The following DDX54 variants were observed in gnomAD, a reference collection of about 807,000 sequenced individuals.
DDX54 encodes ATP-dependent RNA helicase DDX54.
In DDX54, 67 loss-of-function variants were observed where a neutral mutation model predicts 105.5. That is an observed-to-expected ratio of 0.64 (90% CI 0.52 to 0.78). DDX54 has a LOEUF of 0.78. Ranked by LOEUF, DDX54 falls within the 30% of genes least tolerant of loss-of-function variation. The probability of loss-of-function intolerance (pLI) is 0.00; values close to 1 mark genes in which losing one functional copy is unlikely to be tolerated. For missense variants in DDX54, 1,206 were observed against 1,230.5 expected, an observed-to-expected ratio of 0.98 and a Z score of 0.30; for synonymous variants, 514 against 509.9, an observed-to-expected ratio of 1.01 and a Z score of -0.11.
intron 12 of DDX54, among the ~76,000 whole-genome samples, chr12:113,168,506 CA>C (rs1307827420): frequency 6.6e-6 from 1 of 152,210 alleles, no homozygotes; most frequent in Non-Finnish European, 1.5e-5. Context: ...ACAAATGAGA[CA>C]AGATGTGTCC....
chr12:113,163,189 T>C lies in DDX54; in HGVS notation c.2024A>G (p.Gln675Arg). 1.9e-6 allele frequency: 3 copies of C among 1,612,806 alleles called. No individual in the cohort carries two copies. Among genetic ancestry groups the C allele is most frequent in the Non-Finnish European group, 2.5e-6 (3 of 1,179,984 alleles). ...GGGGATGTAGAATTCCTGGTCCCGC[T>C]GCCGGGCCTCCTCCCTCCGCCTCTT... ...GAKRRREEAR[Q>R]RDQEFYIPYR... Residue 675 changes from glutamine to arginine, a missense_variant, in exon 16 of 20, where the codon CAG becomes CGG. Gln to Arg is a conservative substitution (Grantham distance 43, BLOSUM62 1). This residue lies in a region of DDX54 where 961 missense variants were observed against 1,019.1 expected (regional missense o/e 0.94). Coordinates refer to ENST00000306014, the MANE Select transcript of DDX54 (RefSeq NM_024072.4). This position sits in a 1 kb window ranked among gnomAD's most constrained non-coding sequence, Gnocchi z 5.9.
At chr12:113,172,237 TA>T in intron 11 of DDX54, 115 bp downstream of exon 11, 2 of 1,230,266 alleles carry the variant, frequency 1.6e-6, no homozygotes, top group African/African-American at 1.5e-5. Context: ...GCTCTGTCTC[TA>T]AAACAAGGCC....
At chr12:113,176,184 G>A (rs1952401153) in intron 7 of DDX54, among the ~76,000 whole-genome samples, 1 of 152,228 alleles carries the variant, frequency 6.6e-6, no homozygotes, top group African/African-American at 2.4e-5. Context: ...TCACAGAGCT[G>A]AAGTCGCAGA....
chr12:113,158,072 G>A lies in DDX54; in HGVS notation c.*805C>T, dbSNP rs1347565078. On this transcript the variant is annotated 3_prime_UTR_variant, in exon 20 of 20. Coordinates refer to ENST00000306014, the MANE Select transcript of DDX54 (RefSeq NM_024072.4). The surrounding 1 kb of genome is among the most constrained non-coding windows in gnomAD (Gnocchi z 4.9). ...CACTATGGACTCTGCCAGGTGAGGG[G>A]CCCAGCCTGAGAATCCAGCTGCTGG... 1.0e-5 allele frequency: 2 copies of A among 193,600 alleles called. No homozygotes were observed. The highest frequency in any genetic ancestry group is 2.1e-5 in the Non-Finnish European group (2 of 93,252). The allele number at this position is 193,600 out of a possible 1,614,324, so 12.0% of individuals were successfully genotyped here.
intron 14 of DDX54, among the ~76,000 whole-genome samples, 158 bp downstream of exon 14, chr12:113,165,486 C>T (rs1592999923): frequency 6.6e-6 from 1 of 152,002 alleles, no homozygotes; most frequent in Non-Finnish European, 1.5e-5. Flanking sequence ...ATAAGAAGCT[C>T]AGATGAAAAT....
At chr12:113,180,117 A>G in intron 2 of DDX54, 112 bp from the exon 3 acceptor site, 2 of 1,038,614 alleles carry the variant, frequency 1.9e-6, no homozygotes, top group Middle Eastern at 2.0e-4. Context: ...CAAGGGAAAA[A>G]AAAAAGCAAT....
At chr12:113,172,270 G>A in intron 11 of DDX54, 83 bp downstream of exon 11, 2 of 1,474,338 alleles carry the variant, frequency 1.4e-6, no homozygotes, top group South Asian at 1.2e-5. Flanking sequence ...CATGTGCAGT[G>A]TCAAGAGTTA....
intron 12 of DDX54, among the ~76,000 whole-genome samples, chr12:113,167,742 G>T (rs904343984): frequency 6.6e-6 from 1 of 152,214 alleles, no homozygotes; most frequent in African/African-American, 2.4e-5. Context: ...CTGCACCGGG[G>T]GTGGTTTCTG....
At position 113,169,978 on chromosome 12, in the gene DDX54, C is replaced by T. The variant is rs535409911; in HGVS notation, c.1280-74G>A. 8.9e-6 allele frequency: 14 copies of T among 1,574,668 alleles called. No homozygotes were observed. In the South Asian group the frequency reaches 1.6e-4, roughly 18 times the overall value. ...CCCAGCATGAGTTCCACAGGCCAGA[C>T]CCTGAGCAGGTGAGCCTGGCCAAGC... is the stretch of plus-strand genomic sequence containing the variant. On this transcript the variant is annotated intron_variant, in intron 11 of 19. Transcript: ENST00000306014.
Position 113,185,418 on chromosome 12 carries a change from G to T in DDX54, c.34C>A (p.Arg12=). The change falls in exon 1 of 20, where the codon CGG becomes AGG. Residue 12 remains arginine (R), a synonymous_variant. Coordinates refer to ENST00000306014, the MANE Select transcript of DDX54 (RefSeq NM_024072.4). ...CACTGGGCCATGGCAGCTCGCGACC[G>T]AGGTCCAGCCGCCGGGCCCTTGTCG... The part of the protein sequence containing the change: ...AADKGPAAGP[R]SRAAMAQWRK... The T allele has an allele frequency of 6.5e-7, 1 of 1,529,692 alleles. No homozygotes were observed. The highest frequency in any genetic ancestry group is 8.8e-7 in the Non-Finnish European group (1 of 1,141,192). 94.8% of individuals were successfully genotyped at this position (1,529,692 alleles called of 1,614,324 possible). A position where few individuals can be genotyped will look rare whatever the true frequency, so the allele number is the denominator to read the frequency against.
At chr12:113,185,249 G>T in intron 1 of DDX54, 29 bp downstream of exon 1, 1 of 1,480,568 alleles carries the variant, frequency 6.8e-7, no homozygotes, top group Non-Finnish European at 8.9e-7. Flanking sequence ...TCTCGGGCCC[G>T]AACATGCGTC....
intron 5 of DDX54, 59 bp downstream of exon 5, chr12:113,178,918 G>A (rs371540703): frequency 4.1e-5 from 65 of 1,594,814 alleles, no homozygotes; most frequent in Non-Finnish European, 5.6e-5. Flanking sequence ...CTAATGTCCT[G>A]GAGACACAGA....
chr12:113,169,803 G>C lies in DDX54; in HGVS notation c.1381C>G (p.Leu461Val), dbSNP rs754799242. The C allele has an allele frequency of 3.0e-5, 49 of 1,614,000 alleles. No homozygotes were observed. The highest frequency in any genetic ancestry group is 1.6e-4 in the East Asian group (7 of 44,894). The change falls in exon 12 of 20, where the codon CTC (leucine) becomes GTC (valine). Residue 461 changes from leucine (L) to valine (V), a missense_variant. This residue lies in a region of DDX54 where 961 missense variants were observed against 1,019.1 expected (regional missense o/e 0.94). Transcript: ENST00000306014. Reference protein sequence around the residue: ...LDLHLFLGRSLTLARPLKEPS... With the variant: ...LDLHLFLGRSVTLARPLKEPS... ...TCCTTGAGGGGTCGGGCGAGGGTGA[G>C]GGAGCGGCCCAGGAACAGGTGCAGA...
chr12:113,173,176 C>CA (rs1593004543), intron 10 of DDX54, among the ~76,000 whole-genome samples: 2 of 151,818 alleles, frequency 1.3e-5, no homozygotes, highest in Non-Finnish European at 2.9e-5. Flanking sequence ...ACCATCTCTA[C>CA]AAAAAAAATT....
Position 113,163,315 on chromosome 12 carries a change from C to A in DDX54, c.1939-41G>T. On this transcript the variant is annotated intron_variant, in intron 15 of 19. Transcript: ENST00000306014. This position sits in a 1 kb window ranked among gnomAD's most constrained non-coding sequence, Gnocchi z 5.9. ...CCAAGGCCCAGTGTCATGCCTGCTG[C>A]CCCCTGGGGACTTCCCCCTGCCTCC... The A allele has an allele frequency of 6.3e-7, 1 of 1,576,482 alleles. No homozygotes were observed. Among genetic ancestry groups the A allele is most frequent in the Non-Finnish European group, 8.6e-7 (1 of 1,161,424 alleles).
Position 113,161,944 on chromosome 12 carries a change from T to A in DDX54, c.2249A>T (p.Lys750Met), listed in dbSNP as rs764159368. The A allele has an allele frequency of 8.7e-6, 14 of 1,612,760 alleles. No homozygotes were observed. Among genetic ancestry groups the A allele is most frequent in the Middle Eastern group, 3.3e-4 (2 of 6,078 alleles). ...VGQSGQEDKK[K>M]IKTESGRYIS... is the part of the protein sequence containing the mutation. ...GTAGCGGCCGCTCTCTGTCTTAATC[T>A]TCTTCTTGTCTTCCTGTCCTGACTG... The change falls in exon 18 of 20, where the codon AAG (lysine) becomes ATG (methionine). Residue 750 changes from lysine to methionine, a missense_variant. Physicochemically the swap from Lys to Met is moderately conservative, Grantham distance 95. Coordinates refer to ENST00000306014, the MANE Select transcript of DDX54 (RefSeq NM_024072.4).
At position 113,177,042 on chromosome 12, in the gene DDX54, A is replaced by T. The variant is rs753174812; in HGVS notation, c.656+10T>A. 2 of 1,614,014 alleles carry T rather than the reference A, an allele frequency of 1.2e-6. No individual in the cohort carries two copies. The highest frequency in any genetic ancestry group is 1.7e-6 in the Non-Finnish European group (2 of 1,180,026). On this transcript the variant is annotated intron_variant, in intron 6 of 19. Coordinates refer to ENST00000306014, the MANE Select transcript of DDX54 (RefSeq NM_024072.4). ...GATCTCAGGGAGTCATCCCCAATCC[A>T]CAAACTCACATGTCGGGATTTTCGT...
intron 1 of DDX54, among the ~76,000 whole-genome samples, chr12:113,183,462 G>A (rs1952488952): frequency 6.6e-6 from 1 of 152,288 alleles, no homozygotes; most frequent in African/African-American, 2.4e-5. Flanking sequence ...ACAGTGGGAT[G>A]AGGTCTCTTC....
At chr12:113,160,629 A>C (rs1952191774) in intron 19 of DDX54, among the ~76,000 whole-genome samples, 1 of 152,206 alleles carries the variant, frequency 6.6e-6, no homozygotes, top group South Asian at 2.1e-4. Flanking sequence ...AAGAGGTCCA[A>C]GTCCTCAGAT....
Sources: gnomAD v4.1 joint callset for allele counts (sites outside exome capture counted in the v4.1 genomes callset) on GRCh38, gnomAD v4.1.1 for gene constraint, gnomAD v4.1.1 regional missense constraint, Gnocchi (gnomAD v3.1) non-coding constraint, MANE v1.5 for transcripts, NCBI Gene and HGNC (gene_info 2026-07-23, HGNC 2026-07-21) for gene names.